The following FAT3 variants were observed in gnomAD, a reference collection of about 807,000 sequenced individuals.
FAT3 encodes protocadherin Fat 3.
In FAT3, 95 loss-of-function variants were observed where a neutral mutation model predicts 310.2. The observed-to-expected ratio is 0.31, with a 90% confidence interval of 0.26 to 0.36. The LOEUF is 0.36. Ranked by LOEUF, FAT3 falls within the 10% of genes least tolerant of loss-of-function variation. The probability of loss-of-function intolerance (pLI) is 1.00; values close to 1 mark genes in which losing one functional copy is unlikely to be tolerated. For missense variants in FAT3, 5,408 were observed against 5,715.6 expected, an observed-to-expected ratio of 0.95 and a Z score of 1.74; for synonymous variants, 2,314 against 2,192.9, an observed-to-expected ratio of 1.06 and a Z score of -1.54.
At chr11:92,851,986 T>A (rs1177745016) in intron 19 of FAT3, among the ~76,000 whole-genome samples, 1 of 152,296 alleles carries the variant, frequency 6.6e-6, no homozygotes, top group East Asian at 1.9e-4. Flanking sequence ...ATGTGATTTC[T>A]AAAAGCGAGT....
At chr11:92,831,113 A>G (rs1455897635) in intron 13 of FAT3, among the ~76,000 whole-genome samples, 1 of 152,080 alleles carries the variant, frequency 6.6e-6, no homozygotes, top group African/African-American at 2.4e-5. Flanking sequence ...CTCCCATCTC[A>G]CAGCTCACCA....
intron 1 of FAT3, among the ~76,000 whole-genome samples, chr11:92,351,196 T>A (rs529420814): frequency 1.3e-5 from 2 of 152,300 alleles, no homozygotes; most frequent in Admixed American, 1.3e-4. Flanking sequence ...ATCACTCCAG[T>A]CATATAACTC....
In FAT3 at chr11:92,889,199, G is replaced by GAC. The variant is rs1215615548; in HGVS notation, c.13063_13064dup (p.Val4356LeufsTer9). On this transcript the variant is annotated frameshift_variant, in exon 26 of 28. Coordinates refer to ENST00000525166, the MANE Select transcript of FAT3 (RefSeq NM_001367949.2). LOFTEE classifies it high-confidence loss of function. ...TTTCCTGACCACAAGCCTCCATAGTGACTGTCATTCAGCTTGTCAACAATG... is the reference window on the plus strand; with the variant it reads ...TTTCCTGACCACAAGCCTCCATAGTGACACTGTCATTCAGCTTGTCAACAATG... The GAC allele has an allele frequency of 1.4e-6, 1 of 713,670 alleles. No individual in the cohort carries two copies. Among genetic ancestry groups the GAC allele is most frequent in the South Asian group, 1.5e-5 (1 of 66,956 alleles). 44.2% of individuals were successfully genotyped at this position (713,670 alleles called of 1,614,324 possible).
At chr11:92,647,850 AG>A (rs886422993) in intron 3 of FAT3, among the ~76,000 whole-genome samples, 6 of 152,152 alleles carry the variant, frequency 3.9e-5, no homozygotes, top group Admixed American at 6.5e-5. Flanking sequence ...CAGGATAAGC[AG>A]GGTTTTAAAA....
At chr11:92,272,340 C>T (rs977407419) in intron 1 of FAT3, among the ~76,000 whole-genome samples, 2 of 152,076 alleles carry the variant, frequency 1.3e-5, no homozygotes, top group African/African-American at 4.8e-5. Flanking sequence ...TTCTCTGTTC[C>T]AGCATAAACT....
At chr11:92,603,794 C>A (rs1431269380) in intron 3 of FAT3, among the ~76,000 whole-genome samples, 1 of 152,152 alleles carries the variant, frequency 6.6e-6, no homozygotes, top group Non-Finnish European at 1.5e-5. Context: ...TACCAAAAAC[C>A]AAAAAGAACA....
intron 2 of FAT3, among the ~76,000 whole-genome samples, chr11:92,402,574 T>TA (rs1440204912): frequency 6.6e-6 from 1 of 150,742 alleles, no homozygotes; most frequent in African/African-American, 2.4e-5. Flanking sequence ...CACAAAAAAA[T>TA]ACAAAAAAAT....
intron 3 of FAT3, among the ~76,000 whole-genome samples, chr11:92,678,496 A>G (rs1943362794): frequency 6.6e-6 from 1 of 152,112 alleles, no homozygotes; most frequent in African/African-American, 2.4e-5. Context: ...TGATCTAAAC[A>G]CTTCCCATTA....
At chr11:92,869,361 C>A (rs1344896651) in intron 22 of FAT3, among the ~76,000 whole-genome samples, 1 of 152,172 alleles carries the variant, frequency 6.6e-6, no homozygotes, top group Non-Finnish European at 1.5e-5. Flanking sequence ...GACTCTCATG[C>A]ACAGCAGTGC....
intron 2 of FAT3, among the ~76,000 whole-genome samples, chr11:92,425,975 G>A (rs571230141): frequency 6.6e-6 from 1 of 152,126 alleles, no homozygotes; most frequent in East Asian, 1.9e-4. Flanking sequence ...TTCTACAATG[G>A]TTGAACTAAT....
At chr11:92,724,719 C>A (rs1165994434) in intron 4 of FAT3, among the ~76,000 whole-genome samples, 4 of 152,174 alleles carry the variant, frequency 2.6e-5, no homozygotes, top group African/African-American at 9.7e-5. Flanking sequence ...TAGAAGTGGG[C>A]AGGGATAACA....
chr11:92,695,158 T>C (rs765667114), intron 3 of FAT3, among the ~76,000 whole-genome samples: 14 of 152,150 alleles, frequency 9.2e-5, no homozygotes, highest in Admixed American at 6.5e-5. Context: ...TATTTCATTC[T>C]TGGGCCTGTC....
At chr11:92,758,874 C>T (rs191894594) in intron 4 of FAT3, among the ~76,000 whole-genome samples, 15 of 152,060 alleles carry the variant, frequency 9.9e-5, no homozygotes, top group African/African-American at 3.4e-4. Flanking sequence ...CTAGTGTGCA[C>T]CAGTGTGTGA....
chr11:92,407,966 C>G (rs543695983), intron 2 of FAT3: 1 of 152,212 alleles, frequency 6.6e-6, no homozygotes, highest in African/African-American at 2.4e-5. Context: ...AAAGTGGTGG[C>G]AAAGAGCTTT....
At chr11:92,771,978 A>C (rs1946470328) in intron 6 of FAT3, among the ~76,000 whole-genome samples, 1 of 152,152 alleles carries the variant, frequency 6.6e-6, no homozygotes, top group East Asian at 1.9e-4. Flanking sequence ...CTCAAACTGG[A>C]ATCTATGCTT....
At chr11:92,279,041 C>T (rs1224796760) in intron 1 of FAT3, among the ~76,000 whole-genome samples, 1 of 152,106 alleles carries the variant, frequency 6.6e-6, no homozygotes, top group African/African-American at 2.4e-5. Context: ...AATGGCCATA[C>T]CAAGTGGGTG....
At chr11:92,662,124 G>A (rs897779647) in intron 3 of FAT3, among the ~76,000 whole-genome samples, 1 of 152,170 alleles carries the variant, frequency 6.6e-6, no homozygotes, top group Non-Finnish European at 1.5e-5. Flanking sequence ...TTTATTACCA[G>A]AGTCTAAGGA....
chr11:92,490,656 T>A (rs1952574680), intron 2 of FAT3, among the ~76,000 whole-genome samples: 1 of 152,140 alleles, frequency 6.6e-6, no homozygotes, highest in African/African-American at 2.4e-5. Context: ...TTTCTTTGGA[T>A]GTTGCATTGA....
At chr11:92,369,847 A>G (rs182374971) in intron 2 of FAT3, among the ~76,000 whole-genome samples, 83 of 150,750 alleles carry the variant, frequency 5.5e-4, no homozygotes, top group Non-Finnish European at 1.0e-3. Flanking sequence ...CTCTGTCTCA[A>G]AACAAAAAAC....
Sources: allele counts gnomAD v4.1 joint callset (sites outside exome capture counted in the v4.1 genomes callset), GRCh38; gene constraint gnomAD v4.1.1; transcripts MANE v1.5; gene names NCBI Gene and HGNC (gene_info 2026-07-23, HGNC 2026-07-21).